The following TRAK1 variants were observed in gnomAD, a reference collection of about 807,000 sequenced individuals.
TRAK1 encodes trafficking kinesin-binding protein 1.
In TRAK1, 33 loss-of-function variants were observed where a neutral mutation model predicts 92.1. The observed-to-expected ratio is 0.36, with a 90% CI of 0.27 to 0.48. The LOEUF (loss-of-function observed/expected upper bound fraction) is 0.48, where lower values mean the gene tolerates loss of function less well. Among genes scored for constraint, TRAK1 ranks in the 20% least tolerant of loss-of-function variants. The probability of loss-of-function intolerance (pLI) is 0.99; values close to 1 mark genes in which losing one functional copy is unlikely to be tolerated. For synonymous variants in TRAK1, 521 were observed against 517.3 expected (o/e 1.01, Z -0.10); for missense variants, 1,123 against 1,257.9 (o/e 0.89, Z 1.62).
intron 1 of TRAK1, among the ~76,000 whole-genome samples, chr3:42,059,169 G>A (rs1416445824): frequency 6.6e-6 from 1 of 151,622 alleles, no homozygotes; most frequent in Non-Finnish European, 1.5e-5. Flanking sequence ...ATCATGGCTT[G>A]CCGTAGCCTC....
chr3:42,051,214 T>C (rs1702967369), intron 1 of TRAK1: 1 of 152,296 alleles, frequency 6.6e-6, no homozygotes, highest in Non-Finnish European at 1.5e-5. Context: ...GTTTGGCCTT[T>C]GTCTTTTCCA....
intron 2 of TRAK1, among the ~76,000 whole-genome samples, chr3:42,155,961 C>T (rs927262443): frequency 6.6e-6 from 1 of 152,130 alleles, no homozygotes; most frequent in Non-Finnish European, 1.5e-5. Flanking sequence ...ATTGACCCTC[C>T]CCTCCACTGG....
chr3:42,195,434 T>C (rs1706470264), intron 10 of TRAK1, among the ~76,000 whole-genome samples: 1 of 152,250 alleles, frequency 6.6e-6, no homozygotes, highest in Non-Finnish European at 1.5e-5. Flanking sequence ...AAATGCTAAA[T>C]GCTCTCTGAG....
At chr3:42,020,597 G>A (rs1333759145) in intron 1 of TRAK1, among the ~76,000 whole-genome samples, 1 of 152,150 alleles carries the variant, frequency 6.6e-6, no homozygotes, top group Admixed American at 6.5e-5. Context: ...CATGGATAAA[G>A]CTGCTATGAA....
intron 2 of TRAK1, among the ~76,000 whole-genome samples, chr3:42,142,455 A>C (rs901574405): frequency 2.6e-5 from 4 of 152,170 alleles, no homozygotes; most frequent in Non-Finnish European, 5.9e-5. Flanking sequence ...TCTCCTCTGG[A>C]GCCCTCTGGC....
intron 1 of TRAK1, among the ~76,000 whole-genome samples, chr3:42,093,294 T>TA (rs1705370770): frequency 6.6e-6 from 1 of 152,136 alleles, no homozygotes; most frequent in African/African-American, 2.4e-5. Context: ...GGGGCCCTGT[T>TA]ATGCTAATTT....
At chr3:42,120,218 TG>T (rs1246460059) in intron 1 of TRAK1, among the ~76,000 whole-genome samples, 6 of 152,066 alleles carry the variant, frequency 3.9e-5, no homozygotes, top group African/African-American at 1.4e-4. Flanking sequence ...TGGGGGTTGG[TG>T]GGATTTTGGG....
At chr3:42,160,644 C>G (rs575234688) in intron 2 of TRAK1, among the ~76,000 whole-genome samples, 1 of 151,976 alleles carries the variant, frequency 6.6e-6, no homozygotes, top group African/African-American at 2.4e-5. Flanking sequence ...GAGCCCCCAC[C>G]CCCTCACCCA....
intron 2 of TRAK1, among the ~76,000 whole-genome samples, chr3:42,129,379 A>G (rs912204716): frequency 6.6e-6 from 1 of 152,154 alleles, no homozygotes; most frequent in Non-Finnish European, 1.5e-5. Context: ...AGGGCCAGCT[A>G]CACATTGCTA....
At chr3:42,175,117 C>T (rs1703033249) in intron 2 of TRAK1, among the ~76,000 whole-genome samples, 1 of 151,968 alleles carries the variant, frequency 6.6e-6, no homozygotes, top group African/African-American at 2.4e-5. Flanking sequence ...AGAGTGGGCG[C>T]CGGTGAGTGG....
intron 1 of TRAK1, among the ~76,000 whole-genome samples, chr3:42,027,712 A>T (rs1245950745): frequency 6.6e-6 from 1 of 152,178 alleles, no homozygotes; most frequent in Non-Finnish European, 1.5e-5. Flanking sequence ...ATGGGTAACT[A>T]ATTATTTATT....
intron 1 of TRAK1, among the ~76,000 whole-genome samples, chr3:42,059,198 G>A (rs1007442059): frequency 1.3e-5 from 2 of 151,888 alleles, no homozygotes; most frequent in African/African-American, 4.8e-5. Context: ...AGGCTCAAGT[G>A]AATCTCCCCC....
intron 1 of TRAK1, among the ~76,000 whole-genome samples, chr3:42,074,465 T>C (rs1433817805): frequency 6.6e-6 from 1 of 152,154 alleles, no homozygotes; most frequent in Non-Finnish European, 1.5e-5. Context: ...GTAGGGCTGG[T>C]TGCAGCTTAA....
In TRAK1 at chr3:42,188,136, G is replaced by A; in HGVS notation, c.572G>A (p.Cys191Tyr). The A allele has an allele frequency of 3.7e-6, 6 of 1,614,074 alleles. No homozygotes were observed. The highest frequency in any genetic ancestry group is 5.1e-6 in the Non-Finnish European group (6 of 1,180,024). The change falls in exon 5 of 16, where the codon TGC (cysteine) becomes TAC (tyrosine). Residue 191 changes from cysteine (C) to tyrosine (Y), a missense_variant. By Grantham distance (194) the Cys-to-Tyr change is radical. This residue lies in a region of TRAK1 where 686 missense variants were observed against 747.6 expected (regional missense o/e 0.92). Transcript: ENST00000327628. Reference protein sequence around the residue: ...AAEESEPESVCSTPLKRNESS... With the variant: ...AAEESEPESVYSTPLKRNESS... Reference sequence around the variant, plus strand: ...GAGGAGAGTGAGCCCGAGTCCGTTTGCTCAACCCCGTAAGTCACCAGAGGG... The same window carrying A: ...GAGGAGAGTGAGCCCGAGTCCGTTTACTCAACCCCGTAAGTCACCAGAGGG...
intron 2 of TRAK1, among the ~76,000 whole-genome samples, chr3:42,134,167 C>T (rs1242912719): frequency 2.0e-5 from 3 of 148,836 alleles, no homozygotes; most frequent in African/African-American, 7.4e-5. Context: ...TCCCCTTCCC[C>T]TTCCCCTTCC....
chr3:42,066,454 G>A (rs77488722), intron 1 of TRAK1, among the ~76,000 whole-genome samples: 10,421 of 152,002 alleles, frequency 0.069, 431 homozygotes, highest in Non-Finnish European at 0.092. Context: ...AGCACCCAGC[G>A]TGGGAAGGCT....
At chr3:42,210,774 C>T (rs1232260166) in intron 14 of TRAK1, 3 of 985,466 alleles carry the variant, frequency 3.0e-6, no homozygotes, top group Non-Finnish European at 3.6e-6. Context: ...AATAAACCTT[C>T]GGAGAACGTC....
intron 13 of TRAK1, chr3:42,204,308 T>C (rs1225009719): frequency 1.6e-5 from 15 of 947,192 alleles, no homozygotes; most frequent in Non-Finnish European, 1.9e-5. Flanking sequence ...TCTAAGAATA[T>C]GTTTTTGAAT....
intron 12 of TRAK1, 37 bp downstream of exon 12, chr3:42,201,091 G>T (rs1009884817): frequency 6.9e-6 from 11 of 1,591,882 alleles, no homozygotes; most frequent in Admixed American, 1.7e-5. Context: ...TCTGTTTTGG[G>T]GTGAGGAGTG....
Sources: allele counts gnomAD v4.1 joint callset (sites outside exome capture counted in the v4.1 genomes callset), GRCh38; gene constraint gnomAD v4.1.1; regional missense constraint gnomAD v4.1.1; transcripts MANE v1.5; gene names NCBI Gene and HGNC (gene_info 2026-07-23, HGNC 2026-07-21).